The following TEAD1 variants were observed in gnomAD, a reference collection of about 807,000 sequenced individuals.
The protein encoded by TEAD1 is transcriptional enhancer factor TEF-1.
In TEAD1, 9 loss-of-function variants were observed where a neutral mutation model predicts 54.9. That is an observed-to-expected ratio of 0.16 (90% CI 0.10 to 0.29). The LOEUF (loss-of-function observed/expected upper bound fraction) is 0.29, where lower values mean the gene tolerates loss of function less well. Among genes scored for constraint, TEAD1 ranks in the 10% least tolerant of loss-of-function variants. The pLI is 1.00. For synonymous variants in TEAD1, 200 were observed against 187.8 expected (o/e 1.07, Z -0.53); for missense variants, 387 against 535.9 (o/e 0.72, Z 2.74).
Position 12,879,762 on chromosome 11 carries a change from C to G in TEAD1, c.385C>G (p.Gln129Glu). 1 of 1,614,192 alleles carries G rather than the reference C, an allele frequency of 6.2e-7. No individual in the cohort carries two copies. Among genetic ancestry groups the G allele is most frequent in the Non-Finnish European group, 8.5e-7 (1 of 1,180,046 alleles). ...GCACATGGCGGCCATGTCCTCAGCC[C>G]AGATCGTCTCGGCCACTGCCATTCA... Residue 129 changes from glutamine to glutamate, a missense_variant, in exon 6 of 13, where the codon CAG (glutamine) becomes GAG (glutamate). Physicochemically the swap from Gln to Glu is conservative, Grantham distance 29. Transcript: ENST00000527636.
intron 2 of TEAD1, among the ~76,000 whole-genome samples, chr11:12,714,462 C>G: frequency 6.6e-6 from 1 of 152,030 alleles, no homozygotes; most frequent in East Asian, 1.9e-4. Flanking sequence ...TGGACCACAC[C>G]TGGCTAATTT....
intron 2 of TEAD1, among the ~76,000 whole-genome samples, chr11:12,721,166 G>GTGT (rs1018989202): frequency 1.3e-5 from 2 of 152,238 alleles, no homozygotes; most frequent in Non-Finnish European, 2.9e-5. Flanking sequence ...CTCCCATGCA[G>GTGT]TGTAGTTGTG....
chr11:12,795,010 A>G (rs570619018), intron 3 of TEAD1, among the ~76,000 whole-genome samples: 2 of 152,354 alleles, frequency 1.3e-5, no homozygotes, highest in African/African-American at 4.8e-5. Flanking sequence ...TAGGGCTGCC[A>G]TAACACAATA....
chr11:12,903,336 A>G (rs771933232), intron 10 of TEAD1, among the ~76,000 whole-genome samples: 3 of 152,186 alleles, frequency 2.0e-5, no homozygotes, highest in Non-Finnish European at 2.9e-5. Flanking sequence ...GCCTCTACGT[A>G]TCTCTATACC....
At position 12,881,924 on chromosome 11, in the gene TEAD1, C is replaced by T. The variant is rs866091452; in HGVS notation, c.541C>T (p.Pro181Ser). The change falls in exon 8 of 13, where the codon CCC becomes TCC. Residue 181 changes from proline (P) to serine (S), a missense_variant. Around this residue, in one of 5 missense-constraint regions of TEAD1, gnomAD observed 180 missense variants for 180.6 expected, o/e 1.00. Transcript: ENST00000527636. ...CAAGCCTTTTGTGCAGCAGGCCTAC[C>T]CCATCCAGCCAGCGGTCACAGCCCC... 6 of 1,614,192 alleles carry T rather than the reference C, an allele frequency of 3.7e-6. No homozygotes were observed. In the Middle Eastern group the frequency reaches 8.2e-4, roughly 222 times the overall value.
chr11:12,710,499 T>G (rs1358599063), intron 2 of TEAD1, among the ~76,000 whole-genome samples: 1 of 152,158 alleles, frequency 6.6e-6, no homozygotes, highest in African/African-American at 2.4e-5. Context: ...ATGGTTAAAC[T>G]GGGTGATAAG....
chr11:12,689,224 C>G (rs1943401594), intron 2 of TEAD1, among the ~76,000 whole-genome samples: 1 of 152,108 alleles, frequency 6.6e-6, no homozygotes, highest in Admixed American at 6.5e-5. Context: ...CTACATTTCA[C>G]CAAAAATGGT....
intron 3 of TEAD1, among the ~76,000 whole-genome samples, chr11:12,819,896 T>G (rs979225448): frequency 3.3e-5 from 5 of 152,218 alleles, no homozygotes; most frequent in African/African-American, 1.2e-4. Flanking sequence ...GGAGCCTTTT[T>G]CTTTTTCCCC....
chr11:12,777,001 C>T (rs1232265262), intron 3 of TEAD1, among the ~76,000 whole-genome samples: 1 of 151,914 alleles, frequency 6.6e-6, no homozygotes, highest in Non-Finnish European at 1.5e-5. Context: ...CTGTGTTGGC[C>T]AGGCTGGTCT....
chr11:12,741,088 CA>C (rs1944641311), intron 2 of TEAD1, among the ~76,000 whole-genome samples: 1 of 151,886 alleles, frequency 6.6e-6, no homozygotes, highest in Non-Finnish European at 1.5e-5. Context: ...TTTTTATTTT[CA>C]TTTTGTGTAG....
At chr11:12,853,084 C>T (rs897787034) in intron 3 of TEAD1, among the ~76,000 whole-genome samples, 4 of 152,286 alleles carry the variant, frequency 2.6e-5, no homozygotes, top group Non-Finnish European at 2.9e-5. Context: ...GTCTGGCTTA[C>T]CCCTCTTCAT....
At chr11:12,851,192 A>AGGCCGGGCGCGGTGGCTCACGCCTG in intron 3 of TEAD1, 1 of 684,216 alleles carries the variant, frequency 1.5e-6, no homozygotes, top group Non-Finnish European at 1.8e-6. Flanking sequence ...AAAGTCATAC[A>AGGCCGGGCGCGGTGGCTCACGCCTG]TATACAGAGT....
At chr11:12,783,798 G>A (rs879869019) in intron 3 of TEAD1, among the ~76,000 whole-genome samples, 4 of 152,216 alleles carry the variant, frequency 2.6e-5, no homozygotes, top group Non-Finnish European at 5.9e-5. Flanking sequence ...TGGTAAGCAT[G>A]TGGGATGTCT....
chr11:12,907,144 C>T (rs1948535105), intron 10 of TEAD1, among the ~76,000 whole-genome samples: 1 of 152,218 alleles, frequency 6.6e-6, no homozygotes, highest in African/African-American at 2.4e-5. Flanking sequence ...TCTTCTCCTT[C>T]AGCCATTATG....
At chr11:12,756,997 T>G (rs1192361445) in intron 2 of TEAD1, among the ~76,000 whole-genome samples, 1 of 152,222 alleles carries the variant, frequency 6.6e-6, no homozygotes, top group Non-Finnish European at 1.5e-5. Flanking sequence ...TGAGAGAAAT[T>G]TGGACTTTGA....
Position 12,941,077 on chromosome 11 carries a change from TC to T in TEAD1, c.*3856del, listed in dbSNP as rs1170068161. 1 of 152,276 alleles carries T rather than the reference TC, an allele frequency of 6.6e-6. No individual in the cohort carries two copies. Among genetic ancestry groups the T allele is most frequent in the Non-Finnish European group, 1.5e-5 (1 of 68,120 alleles). The allele number at this position is 152,276 out of a possible 1,614,324, so 9.4% of individuals were successfully genotyped here. ...ATTCCTGCCACTTTGGTCCCTGGCC[TC>T]TCCTGGGGGAGGCTGCTGTTCTTAG... is the stretch of plus-strand genomic sequence containing the variant. On this transcript the variant is annotated 3_prime_UTR_variant, in exon 13 of 13. Transcript: ENST00000527636.
intron 3 of TEAD1, among the ~76,000 whole-genome samples, chr11:12,856,803 G>T (rs528824475): frequency 6.6e-6 from 1 of 152,262 alleles, no homozygotes; most frequent in Non-Finnish European, 1.5e-5. Context: ...GGGCAGTCCA[G>T]TCCTTCATGG....
At chr11:12,769,198 C>G (rs1219335665) in intron 3 of TEAD1, among the ~76,000 whole-genome samples, 1 of 152,172 alleles carries the variant, frequency 6.6e-6, no homozygotes, top group African/African-American at 2.4e-5. Context: ...TGGTCAGCCC[C>G]AGAGACCTGA....
chr11:12,816,464 AC>A (rs1193064572), intron 3 of TEAD1, among the ~76,000 whole-genome samples: 5 of 151,984 alleles, frequency 3.3e-5, no homozygotes, highest in Admixed American at 6.6e-5. Flanking sequence ...ACTTTAAGTT[AC>A]CCCGCCCCCT....
Sources: allele counts gnomAD v4.1 joint callset (sites outside exome capture counted in the v4.1 genomes callset), GRCh38; gene constraint gnomAD v4.1.1; regional missense constraint gnomAD v4.1.1; transcripts MANE v1.5; gene names NCBI Gene and HGNC (gene_info 2026-07-23, HGNC 2026-07-21).